TTLL9: variants seen among roughly 807,000 people sequenced by gnomAD.
TTLL9 encodes the protein probable tubulin polyglutamylase TTLL9.
TTLL9 carries 47 observed loss-of-function variants against 65.6 expected under a neutral mutation model. The ratio of observed to expected loss-of-function variants is 0.72; its 90% CI spans 0.57 to 0.91. TTLL9 has a LOEUF of 0.91. Among genes scored for constraint, TTLL9 ranks in the 40% least tolerant of loss-of-function variants. The probability of loss-of-function intolerance (pLI) is 0.00; values close to 1 mark genes in which losing one functional copy is unlikely to be tolerated. For synonymous variants in TTLL9, 179 were observed against 204.8 expected (o/e 0.87, Z 1.07); for missense variants, 537 against 568.8 (o/e 0.94, Z 0.57).
At chr20:31,924,890 C>T in intron 8 of TTLL9, 119 bp from the exon 9 acceptor site, 1 of 1,120,576 alleles carries the variant, frequency 8.9e-7, no homozygotes, top group Non-Finnish European at 1.3e-6. Flanking sequence ...TGTGTAGTTT[C>T]AGCAGGAGCT....
intron 4 of TTLL9, among the ~76,000 whole-genome samples, chr20:31,902,444 G>C (rs916538707): frequency 6.6e-6 from 1 of 152,108 alleles, no homozygotes; most frequent in South Asian, 2.1e-4. Context: ...CCAGTGGCTC[G>C]ATCTCGGCTC....
chr20:31,908,301 G>A (rs2063591103), intron 4 of TTLL9, among the ~76,000 whole-genome samples: 2 of 152,190 alleles, frequency 1.3e-5, no homozygotes, highest in Non-Finnish European at 2.9e-5. Context: ...CTGTCTGAAG[G>A]GGTGGCTGCT....
intron 14 of TTLL9, among the ~76,000 whole-genome samples, chr20:31,941,718 CCTGG>C (rs977009078): frequency 6.6e-6 from 1 of 152,164 alleles, no homozygotes; most frequent in African/African-American, 2.4e-5. Flanking sequence ...ACACACCACA[CCTGG>C]CTAATTTTAT....
At chr20:31,930,947 C>T (rs546721255) in intron 10 of TTLL9, among the ~76,000 whole-genome samples, 2 of 152,130 alleles carry the variant, frequency 1.3e-5, no homozygotes, top group African/African-American at 2.4e-5. Flanking sequence ...TAAGGAGGCC[C>T]GCTGTCTCCT....
At position 31,925,855 on chromosome 20, in the gene TTLL9, T is replaced by A. The variant is rs1306042225; in HGVS notation, c.706-194T>A. The A allele has an allele frequency of 8.4e-6, 13 of 1,549,812 alleles. No individual in the cohort carries two copies. In the Admixed American group the frequency reaches 2.6e-4, roughly 30 times the overall value. On this transcript the variant is annotated intron_variant, in intron 9 of 14. Coordinates refer to ENST00000535842, the MANE Select transcript of TTLL9 (RefSeq NM_001008409.5). The stretch of plus-strand genomic sequence containing the variant: ...ATTCCCTTTCCCTTCTCTCTCTCTC[T>A]TCCCACCTCTGCCTTAGTACATCCC...
Position 31,934,705 on chromosome 20 carries a change from C to T in TTLL9, c.821C>T (p.Thr274Met), listed in dbSNP as rs200691468. 4.6e-3 allele frequency: 7,407 copies of T among 1,610,604 alleles called. 49 individuals are homozygous for T. Among genetic ancestry groups the T allele is most frequent in the South Asian group, 0.017 (1,498 of 90,776 alleles). ...DYHPKKGCKW[T>M]LQRFRQYLAS... is the part of the protein sequence containing the mutation. The stretch of plus-strand genomic sequence containing the variant: ...CCCGGGGCCCAGGGCTGCAAGTGGA[C>T]GCTGCAGCGCTTCCGGCAGTACCTG... Residue 274 changes from threonine to methionine, a missense_variant, in exon 12 of 15, where the codon ACG (threonine) becomes ATG (methionine). Thr to Met is a moderately conservative substitution (Grantham distance 81). This residue lies in a region of TTLL9 where 205 missense variants were observed against 225.9 expected (regional missense o/e 0.91). Transcript: ENST00000535842.
chr20:31,901,261 C>T (rs2063475138), intron 4 of TTLL9: 1 of 152,244 alleles, frequency 6.6e-6, no homozygotes, highest in South Asian at 2.1e-4. Flanking sequence ...TGGATACTTA[C>T]CTGGCAGGGG....
rs369314142 is a variant in TTLL9, at chr20:31,919,855, C to T, written c.505-9C>T. 1.7e-5 allele frequency: 27 copies of T among 1,583,732 alleles called. No homozygotes were observed. The highest frequency in any genetic ancestry group is 1.7e-4 in the Middle Eastern group (1 of 5,978). ...TAAGAGCTGGCTTTCTGCCCCCATC[C>T]CACCCCAGGTAGCCCGGTCTCAAGG... On this transcript the variant is annotated splice_polypyrimidine_tract_variant and intron_variant, in intron 6 of 14. Coordinates refer to ENST00000535842, the MANE Select transcript of TTLL9 (RefSeq NM_001008409.5).
At chr20:31,924,213 G>A (rs1006029721) in intron 8 of TTLL9, among the ~76,000 whole-genome samples, 17 of 151,926 alleles carry the variant, frequency 1.1e-4, no homozygotes, top group Non-Finnish European at 2.2e-4. Context: ...CCTCACTGGT[G>A]CCTGCCGCTG....
chr20:31,873,821 G>GAAGAAAGAAAGAAAGAAAAAGAAAGA (rs2062992322), intron 2 of TTLL9, among the ~76,000 whole-genome samples: 1 of 95,982 alleles, frequency 1.0e-5, no homozygotes, highest in African/African-American at 4.0e-5. Flanking sequence ...AGGAAGGAAG[G>GAAGAAAGAAAGAAAGAAAAAGAAAGA]AAGAAAGAAA....
rs371526790 is a variant in TTLL9 at position 31,937,416 on chromosome 20, C to T, written c.1025C>T (p.Ala342Val). The T allele has an allele frequency of 1.3e-5, 21 of 1,613,422 alleles. No homozygotes were observed. Among genetic ancestry groups the T allele is most frequent in the African/African-American group, 9.4e-5 (7 of 74,860 alleles). ...CCCAGGTGGCTCCTGGAGGTCAATGCGTCCCCATCACTGACAGCCAGCAGC... is the reference window on the plus strand; with the variant it reads ...CCCAGGTGGCTCCTGGAGGTCAATGTGTCCCCATCACTGACAGCCAGCAGC... Reference protein sequence around the residue: ...DLKPWLLEVNASPSLTASSQE... With the variant: ...DLKPWLLEVNVSPSLTASSQE... The change falls in exon 13 of 15, where the codon GCG becomes GTG. Residue 342 changes from alanine to valine, a missense_variant. Physicochemically the swap from Ala to Val is moderately conservative, Grantham distance 64. Around this residue, in one of 3 missense-constraint regions of TTLL9, gnomAD observed 205 missense variants for 225.9 expected, o/e 0.91. Coordinates refer to ENST00000535842, the MANE Select transcript of TTLL9 (RefSeq NM_001008409.5).
rs757641154 is a variant in TTLL9 at position 31,919,951 on chromosome 20, C to T, written c.573+19C>T. On this transcript the variant is annotated intron_variant, in intron 7 of 14. Transcript: ENST00000535842. ...GAGGAAGGTGAGCCTGCCTCTTCCC[C>T]CTTCCTCCCTGAACCCTCCTCTGAC... 3.7e-5 allele frequency: 58 copies of T among 1,571,230 alleles called. No homozygotes were observed. The highest frequency in any genetic ancestry group is 4.8e-5 in the Non-Finnish European group (56 of 1,160,026).
At chr20:31,907,902 C>G (rs2063582929) in intron 4 of TTLL9, among the ~76,000 whole-genome samples, 1 of 152,052 alleles carries the variant, frequency 6.6e-6, no homozygotes, top group Admixed American at 6.6e-5. Context: ...TGTTTTATTT[C>G]CTGTGGCATC....
intron 12 of TTLL9, among the ~76,000 whole-genome samples, chr20:31,935,219 G>C (rs1019256688): frequency 5.3e-5 from 8 of 152,136 alleles, no homozygotes; most frequent in African/African-American, 1.9e-4. Flanking sequence ...GTAAGTCTTG[G>C]AGCTTTGAAG....
intron 2 of TTLL9, among the ~76,000 whole-genome samples, chr20:31,884,517 G>A (rs1187980392): frequency 2.0e-5 from 3 of 152,066 alleles, no homozygotes; most frequent in African/African-American, 4.8e-5. Context: ...GTGAGCCACC[G>A]AACCTGGTCC....
chr20:31,919,442 CCCT>C (rs2123551203), intron 6 of TTLL9, among the ~76,000 whole-genome samples: 1 of 152,130 alleles, frequency 6.6e-6, no homozygotes, highest in African/African-American at 2.4e-5. Flanking sequence ...TTCTCTCAGC[CCCT>C]AGACTGTGTG....
intron 3 of TTLL9, among the ~76,000 whole-genome samples, chr20:31,890,134 C>T (rs1470040723): frequency 6.3e-5 from 3 of 47,440 alleles, no homozygotes; most frequent in Admixed American, 2.2e-4. Flanking sequence ...TCCTTCCTTC[C>T]TTCCTTCCTT....
chr20:31,910,359 C>G (rs1162378726), intron 6 of TTLL9, among the ~76,000 whole-genome samples: 1 of 152,186 alleles, frequency 6.6e-6, no homozygotes, highest in African/African-American at 2.4e-5. Context: ...AAGACACAGC[C>G]CTCAGCAAGT....
chr20:31,941,325 C>A (rs898590863), intron 14 of TTLL9: 2 of 152,068 alleles, frequency 1.3e-5, no homozygotes, highest in Non-Finnish European at 2.9e-5. Flanking sequence ...ATTGTTGCAG[C>A]CTTCTTTGCC....
Sources: gnomAD v4.1 joint callset for allele counts (sites outside exome capture counted in the v4.1 genomes callset) on GRCh38, gnomAD v4.1.1 for gene constraint, gnomAD v4.1.1 regional missense constraint, MANE v1.5 for transcripts, NCBI Gene and HGNC (gene_info 2026-07-23, HGNC 2026-07-21) for gene names.